Variants in PRKD1 observed in about 807,000 individuals in gnomAD.
The protein encoded by PRKD1 is serine/threonine-protein kinase D1.
PRKD1 carries 63 observed loss-of-function variants against 95.9 expected under a neutral mutation model. The ratio of observed to expected loss-of-function variants is 0.66; its 90% CI spans 0.54 to 0.81. PRKD1 has a LOEUF of 0.81. Ranked by LOEUF, PRKD1 falls within the 30% of genes least tolerant of loss-of-function variation. PRKD1 has a pLI of 0.00. For missense variants in PRKD1, 1,048 were observed against 1,165.3 expected (o/e 0.90, Z 1.47); for synonymous variants, 425 against 423.1 (o/e 1.00, Z -0.05).
At chr14:29,721,209 A>G (rs1459938304) in intron 2 of PRKD1, among the ~76,000 whole-genome samples, 1 of 152,206 alleles carries the variant, frequency 6.6e-6, no homozygotes, top group East Asian at 1.9e-4. Flanking sequence ...TTCTCTTGAT[A>G]GTGAGGACCA....
chr14:29,608,308 C>G (rs1253049840), intron 13 of PRKD1, among the ~76,000 whole-genome samples: 1 of 152,016 alleles, frequency 6.6e-6, no homozygotes, highest in Non-Finnish European at 1.5e-5. Context: ...AAAAAGAATA[C>G]TCATACTTTA....
At chr14:29,653,233 T>C (rs140931645) in intron 4 of PRKD1, among the ~76,000 whole-genome samples, 189 of 152,280 alleles carry the variant, frequency 1.2e-3, no homozygotes, top group African/African-American at 4.3e-3. Flanking sequence ...GGATATAAAA[T>C]GGTCAAATGC....
At chr14:29,820,927 T>C (rs1457418653) in intron 1 of PRKD1, among the ~76,000 whole-genome samples, 1 of 152,090 alleles carries the variant, frequency 6.6e-6, no homozygotes. Flanking sequence ...ACTGATTGTG[T>C]AGGATGAGAT....
chr14:29,713,234 A>G (rs1021189313), intron 2 of PRKD1, among the ~76,000 whole-genome samples: 7 of 152,172 alleles, frequency 4.6e-5, no homozygotes, highest in African/African-American at 1.2e-4. Flanking sequence ...AGTAAAAAAG[A>G]GCATCTATCC....
At chr14:29,881,025 G>A (rs1420607913) in intron 1 of PRKD1, among the ~76,000 whole-genome samples, 2 of 152,204 alleles carry the variant, frequency 1.3e-5, no homozygotes, top group African/African-American at 2.4e-5. Context: ...AGGCTTTTGG[G>A]TTAACACTGG....
chr14:29,926,995 G>C (rs1207577502), intron 1 of PRKD1, among the ~76,000 whole-genome samples: 2 of 152,092 alleles, frequency 1.3e-5, no homozygotes, highest in Non-Finnish European at 2.9e-5. Flanking sequence ...GATGGAAATG[G>C]GTGAGGAGGC....
chr14:29,801,314 T>C (rs933429943), intron 1 of PRKD1, among the ~76,000 whole-genome samples: 6 of 152,176 alleles, frequency 3.9e-5, no homozygotes, highest in Non-Finnish European at 5.9e-5. Flanking sequence ...TAACCATACC[T>C]ACAAAAAACC....
intron 2 of PRKD1, among the ~76,000 whole-genome samples, chr14:29,682,974 G>A (rs1014378389): frequency 1.3e-5 from 2 of 152,180 alleles, no homozygotes; most frequent in Non-Finnish European, 2.9e-5. Context: ...CGGAAGGGGA[G>A]CCAGGCCTTG....
At position 29,675,321 on chromosome 14, in the gene PRKD1, C is replaced by A. The variant is rs376932359; in HGVS notation, c.404-9113G>T. ...TATTCCTTTTTGTGTACATTCTTGA[C>A]AAACACATACATACAACTCAAGACC... On this transcript the variant is annotated intron_variant, in intron 2 of 17. Coordinates refer to ENST00000331968, the MANE Select transcript of PRKD1 (RefSeq NM_002742.3). 7.2e-5 allele frequency among the ~76,000 whole-genome samples: 11 copies of A among 152,274 alleles called. No homozygotes were observed. The East Asian group carries it at 2.1e-3, about 29-fold the overall frequency.
chr14:29,827,033 G>A (rs765903291), intron 1 of PRKD1, among the ~76,000 whole-genome samples: 19 of 150,710 alleles, frequency 1.3e-4, no homozygotes, highest in Non-Finnish European at 2.4e-4. Flanking sequence ...CTATGAGGAT[G>A]CAAAGGCAGA....
intron 13 of PRKD1, among the ~76,000 whole-genome samples, chr14:29,611,273 T>A: frequency 6.6e-6 from 1 of 152,082 alleles, no homozygotes; most frequent in African/African-American, 2.4e-5. Flanking sequence ...AATCACTGTA[T>A]CTTCTTCTTA....
chr14:29,885,804 TAAAA>T (rs759317394), intron 1 of PRKD1, among the ~76,000 whole-genome samples: 966 of 53,450 alleles, frequency 0.018, 13 homozygotes, highest in Middle Eastern at 0.092. Context: ...CCATCTTTAC[TAAAA>T]AAAAAAAAAA....
At chr14:29,771,214 G>C (rs1036917491) in intron 1 of PRKD1, among the ~76,000 whole-genome samples, 10 of 152,102 alleles carry the variant, frequency 6.6e-5, no homozygotes, top group Non-Finnish European at 1.5e-4. Context: ...GACTGTTATG[G>C]TTCTGTGGAA....
At chr14:29,731,999 G>A (rs555294918) in intron 1 of PRKD1, among the ~76,000 whole-genome samples, 9 of 151,672 alleles carry the variant, frequency 5.9e-5, no homozygotes, top group Admixed American at 1.3e-4. Flanking sequence ...TCTGCCTGCC[G>A]AGTAGTTGGG....
intron 15 of PRKD1, among the ~76,000 whole-genome samples, chr14:29,598,759 G>A (rs987829944): frequency 6.6e-6 from 1 of 152,126 alleles, no homozygotes; most frequent in Admixed American, 6.5e-5. Flanking sequence ...AACATCTCTG[G>A]GACTCTCAAG....
chr14:29,656,576 T>C (rs1881853907), intron 4 of PRKD1: 2 of 1,445,398 alleles, frequency 1.4e-6, no homozygotes. Flanking sequence ...AAAACAACGT[T>C]ATTGGATGGA....
intron 16 of PRKD1, among the ~76,000 whole-genome samples, chr14:29,593,334 A>C (rs1353815504): frequency 6.6e-6 from 1 of 152,176 alleles, no homozygotes; most frequent in Non-Finnish European, 1.5e-5. Context: ...TTGCACACAA[A>C]ACATCTATTT....
At chr14:29,866,793 A>G (rs1016636000) in intron 1 of PRKD1, among the ~76,000 whole-genome samples, 4 of 152,312 alleles carry the variant, frequency 2.6e-5, no homozygotes, top group South Asian at 2.1e-4. Flanking sequence ...AAATGGCATC[A>G]TTGGAGAATC....
At chr14:29,900,090 A>C (rs1016610048) in intron 1 of PRKD1, among the ~76,000 whole-genome samples, 3 of 152,230 alleles carry the variant, frequency 2.0e-5, no homozygotes, top group Non-Finnish European at 4.4e-5. Flanking sequence ...GAGTCAATTA[A>C]ACCTTTTTCC....
Sources: gnomAD v4.1 joint callset for allele counts (sites outside exome capture counted in the v4.1 genomes callset) on GRCh38, gnomAD v4.1.1 for gene constraint, MANE v1.5 for transcripts, NCBI Gene and HGNC (gene_info 2026-07-23, HGNC 2026-07-21) for gene names.